The following ZNF184 variants were observed in gnomAD, a reference collection of about 807,000 sequenced individuals.
ZNF184 encodes the protein zinc finger protein 184 (Kruppel-like).
Under a neutral mutation model 54.4 loss-of-function variants are expected in ZNF184, and 16 were observed. The ratio of observed to expected loss-of-function variants is 0.29; its 90% CI spans 0.20 to 0.45. The LOEUF is 0.45. Among genes scored for constraint, ZNF184 ranks in the 20% least tolerant of loss-of-function variants. The pLI, the probability that ZNF184 is intolerant of heterozygous loss-of-function variation, is 1.00. For synonymous variants in ZNF184, 254 were observed against 295.3 expected (o/e 0.86, Z 1.43); for missense variants, 681 against 888.2 (o/e 0.77, Z 2.97).
chr6:27,462,400 G>A (rs923605661), intron 3 of ZNF184, among the ~76,000 whole-genome samples: 2 of 151,784 alleles, frequency 1.3e-5, no homozygotes, highest in African/African-American at 4.8e-5. Flanking sequence ...GGGTTTCACT[G>A]TGTTAGCCAG....
At chr6:27,415,882 T>G in the ZNF184 span, among the ~76,000 whole-genome samples, 51 of 152,340 alleles carry the variant, frequency 3.3e-4, no homozygotes, top group East Asian at 6.4e-3. Flanking sequence ...AACAGAAATG[T>G]ATTGTCTCAC....
At position 27,472,389 on chromosome 6, in the gene ZNF184, T is replaced by C; in HGVS notation, c.-95A>G. On this transcript the variant is annotated 5_prime_UTR_variant, in exon 2 of 6. Coordinates refer to ENST00000683788, the MANE Select transcript of ZNF184 (RefSeq NM_001318891.2). This position sits in a 1 kb window ranked among gnomAD's most constrained non-coding sequence, Gnocchi z 4.8. ...TATCTCGGTCTAGGACTCAGATGTCTAACTCCCCTTGCAGGGAATCTGCAA... is the reference window on the plus strand; with the variant it reads ...TATCTCGGTCTAGGACTCAGATGTCCAACTCCCCTTGCAGGGAATCTGCAA... 1.3e-6 allele frequency: 2 copies of C among 1,528,848 alleles called. No individual in the cohort carries two copies. Among genetic ancestry groups the C allele is most frequent in the Non-Finnish European group, 1.8e-6 (2 of 1,107,744 alleles). 94.7% of individuals were successfully genotyped at this position (1,528,848 alleles called of 1,614,324 possible). A position where few individuals can be genotyped will look rare whatever the true frequency, so the allele number is the denominator to read the frequency against.
chr6:27,467,722 T>TA (rs1763175666), intron 3 of ZNF184, 131 bp downstream of exon 3: 3 of 756,740 alleles, frequency 4.0e-6, no homozygotes, highest in Non-Finnish European at 6.2e-6. Context: ...GGAATGCGGT[T>TA]ACTAGACAGA....
chr6:27,450,331 C>T (rs1444252425), downstream of ZNF184, among the ~76,000 whole-genome samples: 1 of 152,114 alleles, frequency 6.6e-6, no homozygotes, highest in East Asian at 1.9e-4. Context: ...TGTTGAAAGC[C>T]TAATCTGCAA....
chr6:27,440,654 G>A, the ZNF184 span, among the ~76,000 whole-genome samples: 1 of 152,120 alleles, frequency 6.6e-6, no homozygotes, highest in African/African-American at 2.4e-5. Flanking sequence ...CATTGGGTTT[G>A]GGGGGAGCTT....
Position 27,456,917 on chromosome 6 carries a change from G to C in ZNF184, c.207C>G (p.Leu69=), listed in dbSNP as rs754818907. 16 of 1,613,810 alleles carry C rather than the reference G, an allele frequency of 9.9e-6. No homozygotes were observed. The highest frequency in any genetic ancestry group is 1.3e-5 in the African/African-American group (1 of 74,894). ...ENYTHLVSIG[L]QVSKPDVISQ... is the part of the protein sequence containing the mutation. ...AAATCACATCAGGTTTAGAAACTTG[G>C]AGTCCTGTTCATTAGGGAAAAAAAG... Residue 69 remains leucine (L), a synonymous_variant, in exon 5 of 6, where the codon CTC becomes CTG. Coordinates refer to ENST00000683788, the MANE Select transcript of ZNF184 (RefSeq NM_001318891.2).
At chr6:27,424,104 T>C in the ZNF184 span, among the ~76,000 whole-genome samples, 1 of 152,198 alleles carries the variant, frequency 6.6e-6, no homozygotes, top group African/African-American at 2.4e-5. Context: ...ATGTGTTCAG[T>C]TTCTTCCTTC....
chr6:27,423,928 G>A, the ZNF184 span, among the ~76,000 whole-genome samples: 1 of 152,254 alleles, frequency 6.6e-6, no homozygotes, highest in East Asian at 1.9e-4. Flanking sequence ...GCAAATGCTT[G>A]AGTCTGCTCT....
In ZNF184 at chr6:27,458,820, A is replaced by G. The variant is rs113009218; in HGVS notation, c.76-1411T>C. ...TTACTGACAACAGCTAAGATATAGA[A>G]TCAACCTAAATGTCCATCAACAGAC... On this transcript the variant is annotated intron_variant, in intron 3 of 5. Coordinates refer to ENST00000683788, the MANE Select transcript of ZNF184 (RefSeq NM_001318891.2). Among the ~76,000 whole-genome samples, 69 of 152,314 alleles carry G rather than the reference A, an allele frequency of 4.5e-4. 1 individual carries two copies. Among genetic ancestry groups the G allele is most frequent in the African/African-American group, 1.6e-3 (65 of 41,568 alleles).
intron 2 of ZNF184, among the ~76,000 whole-genome samples, chr6:27,470,093 A>G (rs1299910482): frequency 6.6e-6 from 1 of 152,238 alleles, no homozygotes; most frequent in African/African-American, 2.4e-5. Flanking sequence ...TTCAAATTCC[A>G]GAGACAGCTA....
chr6:27,424,297 A>C, the ZNF184 span, among the ~76,000 whole-genome samples: 1 of 152,230 alleles, frequency 6.6e-6, no homozygotes, highest in Non-Finnish European at 1.5e-5. Flanking sequence ...GTGAGCACAA[A>C]GAGTAAGCAG....
At chr6:27,468,558 G>C (rs1163602017) in intron 2 of ZNF184, among the ~76,000 whole-genome samples, 1 of 152,076 alleles carries the variant, frequency 6.6e-6, no homozygotes, top group Non-Finnish European at 1.5e-5. Context: ...ATCCACCAAA[G>C]ACTTCTACAA....
rs760994009 is a variant in ZNF184, at chr6:27,451,445, T to C, written c.2114A>G (p.Lys705Arg). Residue 705 changes from lysine (K) to arginine (R), a missense_variant, in exon 6 of 6, where the codon AAG (lysine) becomes AGG (arginine). Coordinates refer to ENST00000683788, the MANE Select transcript of ZNF184 (RefSeq NM_001318891.2). ...EKPYNCNECRKTFSQSTYLIQ... is the reference protein window; with the variant it reads ...EKPYNCNECRRTFSQSTYLIQ... ...GAGATATGTGCTCTGGCTAAAAGTCTTTCTGCATTCATTACAGTTATAAGG... is the reference window on the plus strand; with the variant it reads ...GAGATATGTGCTCTGGCTAAAAGTCCTTCTGCATTCATTACAGTTATAAGG... 1.6e-5 allele frequency: 26 copies of C among 1,614,054 alleles called. No homozygotes were observed. The highest frequency in any genetic ancestry group is 2.2e-5 in the East Asian group (1 of 44,896).
At chr6:27,431,533 AT>A in the ZNF184 span, among the ~76,000 whole-genome samples, 5 of 152,280 alleles carry the variant, frequency 3.3e-5, no homozygotes, top group African/African-American at 9.6e-5. Flanking sequence ...TAATGGATTG[AT>A]TTTTTTCTCA....
chr6:27,455,411 G>A (rs726830), intron 5 of ZNF184, among the ~76,000 whole-genome samples: 112,200 of 152,088 alleles, frequency 0.74, 42,120 homozygotes, highest in African/African-American at 0.88. Flanking sequence ...GTTTTTCAAT[G>A]TACATTTTAA....
intron 2 of ZNF184, among the ~76,000 whole-genome samples, chr6:27,468,947 T>C (rs1411469650): frequency 1.3e-5 from 2 of 152,176 alleles, no homozygotes; most frequent in Non-Finnish European, 1.5e-5. Context: ...ACATGAAAAT[T>C]TGAAAAGCTA....
At chr6:27,442,780 AG>A in the ZNF184 span, among the ~76,000 whole-genome samples, 1 of 98,032 alleles carries the variant, frequency 1.0e-5, no homozygotes, top group Admixed American at 1.2e-4. Flanking sequence ...GAAGGAAGGA[AG>A]GAAAGGAAGA....
At chr6:27,465,036 A>AAAAAAAAAAAAAG (rs1763093159) in intron 3 of ZNF184, among the ~76,000 whole-genome samples, 1 of 148,908 alleles carries the variant, frequency 6.7e-6, no homozygotes, top group Non-Finnish European at 1.5e-5. Flanking sequence ...AAAAAAAAAA[A>AAAAAAAAAAAAAG]ATAGAGCTTC....
At chr6:27,436,711 A>G in the ZNF184 span, among the ~76,000 whole-genome samples, 1 of 152,206 alleles carries the variant, frequency 6.6e-6, no homozygotes, top group Non-Finnish European at 1.5e-5. Context: ...AATTTTTCTC[A>G]GTATTTGCAT....
Sources: allele counts gnomAD v4.1 joint callset (sites outside exome capture counted in the v4.1 genomes callset), GRCh38; gene constraint gnomAD v4.1.1; non-coding constraint Gnocchi (gnomAD v3.1); transcripts MANE v1.5; gene names NCBI Gene and HGNC (gene_info 2026-07-23, HGNC 2026-07-21).